CPT1A: variants seen among roughly 807,000 people sequenced by gnomAD.
The protein encoded by CPT1A is carnitine O-palmitoyltransferase 1, liver isoform.
CPT1A carries 64 observed loss-of-function variants against 100.8 expected under a neutral mutation model. The ratio of observed to expected loss-of-function variants is 0.63; its 90% CI spans 0.52 to 0.78. CPT1A has a LOEUF of 0.78. Among genes scored for constraint, CPT1A ranks in the 30% least tolerant of loss-of-function variants. The probability of loss-of-function intolerance (pLI) is 0.00; values close to 1 mark genes in which losing one functional copy is unlikely to be tolerated. For synonymous variants in CPT1A, 363 were observed against 396.0 expected, an observed-to-expected ratio of 0.92 and a Z score of 0.99; for missense variants, 802 against 1,034.1, an observed-to-expected ratio of 0.78 and a Z score of 3.08.
chr11:68,838,797 C>A (rs1351793375), intron 1 of CPT1A, among the ~76,000 whole-genome samples: 2 of 152,134 alleles, frequency 1.3e-5, no homozygotes, highest in East Asian at 1.9e-4. Flanking sequence ...GAATTCCTGG[C>A]CTCAAAGCAA....
intron 13 of CPT1A, 125 bp from the exon 14 acceptor site, chr11:68,773,554 G>A: frequency 1.3e-6 from 2 of 1,529,314 alleles, no homozygotes; most frequent in African/African-American, 1.4e-5. Context: ...GTACACAAAC[G>A]TTTTCCTGAC....
intron 11 of CPT1A, among the ~76,000 whole-genome samples, chr11:68,780,956 A>G (rs1380913176): frequency 2.0e-5 from 3 of 152,192 alleles, no homozygotes; most frequent in African/African-American, 7.2e-5. Flanking sequence ...CACAAAGATG[A>G]GCGCTTATAT....
intron 14 of CPT1A, 138 bp from the exon 15 acceptor site, chr11:68,762,899 C>T: frequency 9.2e-7 from 1 of 1,090,484 alleles, no homozygotes; most frequent in Non-Finnish European, 1.3e-6. Context: ...TGCTGTTGCC[C>T]AGGCTGGCAT....
intron 1 of CPT1A, among the ~76,000 whole-genome samples, chr11:68,819,069 G>A (rs1042392156): frequency 1.3e-5 from 2 of 152,072 alleles, no homozygotes; most frequent in South Asian, 4.1e-4. Flanking sequence ...TAAGACTCCC[G>A]TGGAGTCTCA....
chr11:68,771,520 G>A (rs949837803), intron 14 of CPT1A, among the ~76,000 whole-genome samples: 2 of 152,102 alleles, frequency 1.3e-5, no homozygotes, highest in African/African-American at 4.8e-5. Context: ...TTAATCACAT[G>A]ATCTTTAGTC....
Position 68,796,895 on chromosome 11 carries a change from T to C in CPT1A, c.732A>G (p.Gly244=), listed in dbSNP as rs1413496062. Residue 244 remains glycine, a synonymous_variant, in exon 7 of 19, where the codon GGA becomes GGG. Coordinates refer to ENST00000265641, the MANE Select transcript of CPT1A (RefSeq NM_001876.4). ...DWWEEYIYLR[G]RGPLMVNSNY... ...TGCTGTTCACCATGAGCGGCCCTCG[T>C]CCTCGGAGGTAGATGTACTCCTCCC... The C allele has an allele frequency of 6.2e-7, 1 of 1,614,052 alleles. No homozygotes were observed. The highest frequency in any genetic ancestry group is 8.5e-7 in the Non-Finnish European group (1 of 1,179,996).
At chr11:68,816,868 G>T (rs1287492498) in intron 1 of CPT1A, among the ~76,000 whole-genome samples, 3 of 144,352 alleles carry the variant, frequency 2.1e-5, no homozygotes, top group Non-Finnish European at 4.6e-5. Flanking sequence ...GTGTGTGTGT[G>T]GTGTACATGT....
chr11:68,838,851 A>T (rs1235177619), intron 1 of CPT1A, among the ~76,000 whole-genome samples: 51 of 152,200 alleles, frequency 3.4e-4, no homozygotes. Context: ...TACAGGCGTG[A>T]GCCACGGGGC....
chr11:68,828,603 C>T (rs1257558031), intron 1 of CPT1A, among the ~76,000 whole-genome samples: 1 of 152,104 alleles, frequency 6.6e-6, no homozygotes, highest in Non-Finnish European at 1.5e-5. Flanking sequence ...GGAGAAGGGC[C>T]CTTAGGCCAG....
intron 7 of CPT1A, among the ~76,000 whole-genome samples, chr11:68,795,651 C>T (rs188200795): frequency 6.6e-6 from 1 of 152,278 alleles, no homozygotes; most frequent in East Asian, 1.9e-4. Flanking sequence ...GTGCTCATGT[C>T]TGTAATCCAG....
At chr11:68,765,865 G>A (rs897473683) in intron 14 of CPT1A, among the ~76,000 whole-genome samples, 4 of 150,598 alleles carry the variant, frequency 2.7e-5, no homozygotes, top group Admixed American at 6.6e-5. Flanking sequence ...AGAACAATGC[G>A]GGAGGGGCTA....
At position 68,841,881 on chromosome 11, in the gene CPT1A, G is replaced by C; in HGVS notation, c.-120C>G. The C allele has an allele frequency of 1.0e-6, 1 of 986,960 alleles. No individual in the cohort carries two copies. The highest frequency in any genetic ancestry group is 1.2e-6 in the Non-Finnish European group (1 of 831,428). The allele number at this position is 986,960 out of a possible 1,614,324, so 61.1% of individuals were successfully genotyped here. Reference sequence around the variant, plus strand: ...GAGCCGGGGAAGGAGGGCCGCGGGCGAGGCCGAGCGCACCCGACGCCGGCA... The same window carrying C: ...GAGCCGGGGAAGGAGGGCCGCGGGCCAGGCCGAGCGCACCCGACGCCGGCA... On this transcript the variant is annotated 5_prime_UTR_variant, in exon 1 of 19. Coordinates refer to ENST00000265641, the MANE Select transcript of CPT1A (RefSeq NM_001876.4). The surrounding 1 kb of genome is among the most constrained non-coding windows in gnomAD (Gnocchi z 6.3).
intron 13 of CPT1A, 185 bp from the exon 14 acceptor site, chr11:68,773,614 A>G (rs1051410499): frequency 1.9e-6 from 2 of 1,039,024 alleles, no homozygotes; most frequent in Non-Finnish European, 1.4e-6. Flanking sequence ...CCGGAGGAGC[A>G]GCTGCAATGT....
At chr11:68,803,554 T>C (rs1855961068) in intron 5 of CPT1A, among the ~76,000 whole-genome samples, 1 of 151,472 alleles carries the variant, frequency 6.6e-6, no homozygotes, top group Admixed American at 6.6e-5. Context: ...CTACTAAAAA[T>C]ACAAAAATTA....
At chr11:68,811,380 G>A (rs988107344) in intron 3 of CPT1A, among the ~76,000 whole-genome samples, 5 of 152,152 alleles carry the variant, frequency 3.3e-5, no homozygotes, top group African/African-American at 9.7e-5. Context: ...GGACACTTCC[G>A]AGACACTGTG....
In CPT1A at chr11:68,841,124, C is replaced by A. The variant is rs1047392372; in HGVS notation, c.-14+651G>T. Among the ~76,000 whole-genome samples the A allele has an allele frequency of 4.6e-5, 7 of 152,226 alleles. No homozygotes were observed. Among genetic ancestry groups the A allele is most frequent in the African/African-American group, 1.7e-4 (7 of 41,464 alleles). Reference sequence around the variant, plus strand: ...TGGGGAGGGGGACCGGGGAGACGGACGCTGGGATGGGGTCAGCGGCGCCCT... The same window carrying A: ...TGGGGAGGGGGACCGGGGAGACGGAAGCTGGGATGGGGTCAGCGGCGCCCT... On this transcript the variant is annotated intron_variant, in intron 1 of 18. Transcript: ENST00000265641. The surrounding 1 kb of genome is among the most constrained non-coding windows in gnomAD (Gnocchi z 6.3).
At position 68,814,444 on chromosome 11, in the gene CPT1A, C is replaced by G. The variant is rs549066830; in HGVS notation, c.141+890G>C. ...GCCTCAGCCTCCCGAGTAGCTGGGA[C>G]TGCAGGCGCCCGCCACCACGCCCGG... is the stretch of plus-strand genomic sequence containing the variant. On this transcript the variant is annotated intron_variant, in intron 2 of 18. Transcript: ENST00000265641. Among the ~76,000 whole-genome samples, 36 of 151,982 alleles carry G rather than the reference C, an allele frequency of 2.4e-4. 1 individual carries two copies. The East Asian group carries it at 6.4e-3, about 27-fold the overall frequency.
intron 5 of CPT1A, among the ~76,000 whole-genome samples, chr11:68,800,393 C>T (rs1855872031): frequency 6.6e-6 from 1 of 151,288 alleles, no homozygotes; most frequent in African/African-American, 2.4e-5. Context: ...GTAATCCCAG[C>T]ACTTTGAGAG....
chr11:68,769,677 C>T (rs1475768539), intron 14 of CPT1A, among the ~76,000 whole-genome samples: 2 of 152,118 alleles, frequency 1.3e-5, no homozygotes, highest in Non-Finnish European at 2.9e-5. Context: ...CAAATGTTAG[C>T]CTTTTCAAGC....
Sources: allele counts gnomAD v4.1 joint callset (sites outside exome capture counted in the v4.1 genomes callset), GRCh38; gene constraint gnomAD v4.1.1; non-coding constraint Gnocchi (gnomAD v3.1); transcripts MANE v1.5; gene names NCBI Gene and HGNC (gene_info 2026-07-23, HGNC 2026-07-21).